PDE4B: variants seen among roughly 807,000 people sequenced by gnomAD.
The protein encoded by PDE4B is phosphodiesterase 4B.
PDE4B carries 20 observed loss-of-function variants against 82.2 expected under a neutral mutation model. That is an observed-to-expected ratio of 0.24 (90% CI 0.17 to 0.35). The LOEUF is 0.35. Among genes scored for constraint, PDE4B ranks in the 10% least tolerant of loss-of-function variants. The probability of loss-of-function intolerance (pLI) is 1.00; values close to 1 mark genes in which losing one functional copy is unlikely to be tolerated. For missense variants in PDE4B, 655 were observed against 907.2 expected, an observed-to-expected ratio of 0.72 and a Z score of 3.57; for synonymous variants, 320 against 318.9, an observed-to-expected ratio of 1.00 and a Z score of -0.04.
intron 1 of PDE4B, among the ~76,000 whole-genome samples, chr1:65,832,245 C>T (rs1025508466): frequency 2.0e-5 from 3 of 152,102 alleles, no homozygotes; most frequent in Non-Finnish European, 4.4e-5. Flanking sequence ...TCAGTGTTTC[C>T]ATTGCAGGAT....
intron 3 of PDE4B, among the ~76,000 whole-genome samples, chr1:66,187,019 AT>A (rs1371795345): frequency 2.0e-5 from 3 of 152,138 alleles, no homozygotes; most frequent in Non-Finnish European, 4.4e-5. Context: ...TCAATACCTA[AT>A]TTATTGAGAG....
At chr1:66,026,680 T>C (rs1004903275) in intron 3 of PDE4B, among the ~76,000 whole-genome samples, 2 of 152,232 alleles carry the variant, frequency 1.3e-5, no homozygotes, top group African/African-American at 4.8e-5. Flanking sequence ...CACTCAGCAA[T>C]GTGCCTGGTA....
At chr1:65,853,616 A>G (rs1211553711) in intron 1 of PDE4B, among the ~76,000 whole-genome samples, 1 of 150,520 alleles carries the variant, frequency 6.6e-6, no homozygotes, top group Non-Finnish European at 1.5e-5. Context: ...TGCAACCTCC[A>G]CTTCTCAGGT....
chr1:65,874,560 A>G (rs1646615855), intron 1 of PDE4B, among the ~76,000 whole-genome samples: 1 of 152,188 alleles, frequency 6.6e-6, no homozygotes, highest in Non-Finnish European at 1.5e-5. Flanking sequence ...ACAAGGCTAC[A>G]GTAACCAAAA....
chr1:66,107,686 T>C (rs908323299), intron 3 of PDE4B, among the ~76,000 whole-genome samples: 1 of 152,018 alleles, frequency 6.6e-6, no homozygotes, highest in African/African-American at 2.4e-5. Context: ...TTTTTCCCTT[T>C]AGGAGCTTTC....
At chr1:66,352,367 A>G (rs1013882729) in intron 8 of PDE4B, among the ~76,000 whole-genome samples, 8 of 152,178 alleles carry the variant, frequency 5.3e-5, no homozygotes, top group African/African-American at 9.7e-5. Flanking sequence ...CCTTCAGTAA[A>G]CTATGCGGGA....
intron 1 of PDE4B, among the ~76,000 whole-genome samples, chr1:65,803,451 C>G (rs888441546): frequency 6.6e-6 from 1 of 152,096 alleles, no homozygotes; most frequent in African/African-American, 2.4e-5. Context: ...TGAGTGTGGT[C>G]TTCAATACAA....
At chr1:66,180,447 G>T (rs559069576) in intron 3 of PDE4B, among the ~76,000 whole-genome samples, 1 of 152,296 alleles carries the variant, frequency 6.6e-6, no homozygotes, top group African/African-American at 2.4e-5. Flanking sequence ...TGTAAGCAGG[G>T]AGTGGCATGG....
chr1:66,315,638 T>G (rs1339723261), intron 7 of PDE4B, among the ~76,000 whole-genome samples: 1 of 152,128 alleles, frequency 6.6e-6, no homozygotes, highest in African/African-American at 2.4e-5. Flanking sequence ...GTATTTTTTT[T>G]TAATAGAGAC....
At chr1:66,368,400 A>G (rs1385175722) in intron 15 of PDE4B, among the ~76,000 whole-genome samples, 1 of 152,232 alleles carries the variant, frequency 6.6e-6, no homozygotes, top group African/African-American at 2.4e-5. Flanking sequence ...TCTGTTTTGG[A>G]TATACAAATT....
intron 3 of PDE4B, among the ~76,000 whole-genome samples, chr1:66,026,413 A>T (rs1653435920): frequency 6.6e-6 from 1 of 152,188 alleles, no homozygotes; most frequent in South Asian, 2.1e-4. Context: ...AGGCTGTATC[A>T]TGGCAGCATA....
intron 3 of PDE4B, among the ~76,000 whole-genome samples, chr1:66,135,459 T>A (rs570920337): frequency 2.0e-5 from 3 of 152,232 alleles, no homozygotes; most frequent in African/African-American, 7.2e-5. Flanking sequence ...ACACTGGCAA[T>A]AAGAATAGAG....
chr1:66,229,741 G>T (rs1651794893), intron 3 of PDE4B, among the ~76,000 whole-genome samples: 1 of 151,388 alleles, frequency 6.6e-6, no homozygotes. Context: ...TCCTGTGCTC[G>T]TGTGGCTAAA....
At chr1:66,285,713 A>G (rs926646207) in intron 7 of PDE4B, among the ~76,000 whole-genome samples, 21 of 152,006 alleles carry the variant, frequency 1.4e-4, no homozygotes, top group Non-Finnish European at 3.1e-4. Flanking sequence ...CATGGTATAT[A>G]TATCTTAGCT....
chr1:66,089,777 C>T (rs954008283), intron 3 of PDE4B, among the ~76,000 whole-genome samples: 1 of 152,046 alleles, frequency 6.6e-6, no homozygotes, highest in Non-Finnish European at 1.5e-5. Flanking sequence ...TTATGAAGTA[C>T]TCAAATCATT....
intron 3 of PDE4B, among the ~76,000 whole-genome samples, chr1:66,225,718 T>G (rs1405868298): frequency 6.6e-6 from 1 of 152,244 alleles, no homozygotes. Context: ...CTTTTTAAAA[T>G]CACCCTGTGT....
rs547074984 is a variant in PDE4B, at chr1:66,228,224, C to T, written c.282-19236C>T. Among the ~76,000 whole-genome samples, 12 of 152,282 alleles carry T rather than the reference C, an allele frequency of 7.9e-5. No individual in the cohort carries two copies. The South Asian group carries it at 2.5e-3, about 32-fold the overall frequency. On this transcript the variant is annotated intron_variant, in intron 3 of 16. Coordinates refer to ENST00000341517, the MANE Select transcript of PDE4B (RefSeq NM_002600.4). ...GCACTATTTCCCTTCCCTTCCTTTA[C>T]CCCGGCTCATTCGGAGAGACACTAT...
intron 1 of PDE4B, among the ~76,000 whole-genome samples, chr1:65,880,695 G>A (rs763182332): frequency 1.9e-4 from 29 of 152,160 alleles, no homozygotes; most frequent in African/African-American, 3.6e-4. Flanking sequence ...GATCTTGGAC[G>A]TGCCAGCCTT....
chr1:66,040,415 G>T (rs933017604), intron 3 of PDE4B, among the ~76,000 whole-genome samples: 28 of 152,006 alleles, frequency 1.8e-4, no homozygotes, highest in African/African-American at 5.3e-4. Context: ...CACTCCCAAA[G>T]AGAAAGGCTG....
Sources: gnomAD v4.1 joint callset for allele counts (sites outside exome capture counted in the v4.1 genomes callset) on GRCh38, gnomAD v4.1.1 for gene constraint, MANE v1.5 for transcripts, NCBI Gene and HGNC (gene_info 2026-07-23, HGNC 2026-07-21) for gene names.